The following MLC1 variants were observed in gnomAD, a reference collection of about 807,000 sequenced individuals.
MLC1 encodes the protein modulator of VRAC current 1.
MLC1 carries 32 observed loss-of-function variants against 44.7 expected under a neutral mutation model. The observed-to-expected ratio is 0.72, with a 90% confidence interval of 0.54 to 0.96. The LOEUF is 0.96. Ranked by LOEUF, MLC1 falls within the 40% of genes least tolerant of loss-of-function variation. MLC1 has a pLI of 0.00. For missense variants in MLC1, 459 were observed against 492.2 expected (o/e 0.93, Z 0.64); for synonymous variants, 190 against 213.0 (o/e 0.89, Z 0.94).
At position 50,067,970 on chromosome 22, in the gene MLC1, AC is replaced by A. The variant is rs199751178; in HGVS notation, c.894+462del. Among the ~76,000 whole-genome samples, 10 of 119,578 alleles carry A rather than the reference AC, an allele frequency of 8.4e-5. 1 individual carries two copies. The highest frequency in any genetic ancestry group is 9.4e-5 in the Admixed American group (1 of 10,690). 78.4% of individuals were successfully genotyped at this position (119,578 alleles called of 152,430 possible). On this transcript the variant is annotated intron_variant, in intron 10 of 11. Transcript: ENST00000311597. Reference sequence around the variant, plus strand: ...ATACTGGAAAAAAAAAAACAAAAAAACAAAAAAACACTAGGTATCTAAGAAA... The same window carrying A: ...ATACTGGAAAAAAAAAAACAAAAAAAAAAAAAACACTAGGTATCTAAGAAA...
chr22:50,077,991 A>ATTTTTT (rs3041368), intron 5 of MLC1, among the ~76,000 whole-genome samples: 3 of 144,014 alleles, frequency 2.1e-5, no homozygotes. Context: ...CTGTCTGACA[A>ATTTTTT]TTTTTTTTTT....
At chr22:50,080,533 G>A (rs2062096537) in intron 3 of MLC1, 136 bp from the exon 4 acceptor site, 16 of 971,870 alleles carry the variant, frequency 1.6e-5, no homozygotes, top group South Asian at 4.1e-5. Context: ...GCAACACAGT[G>A]GGTTGGCTTG....
rs1602024278 is a variant in MLC1 at position 50,074,521 on chromosome 22, G to A, written c.598-189C>T. ...CCAGACCCCCTCTGCCCTCAGCTGCGGCTTTTCACGTCCCTCCTGGAGTAA... is the reference window on the plus strand; with the variant it reads ...CCAGACCCCCTCTGCCCTCAGCTGCAGCTTTTCACGTCCCTCCTGGAGTAA... On this transcript the variant is annotated intron_variant, in intron 7 of 11. Coordinates refer to ENST00000311597, the MANE Select transcript of MLC1 (RefSeq NM_015166.4). The A allele has an allele frequency of 2.9e-5, 18 of 627,794 alleles. No individual in the cohort carries two copies. In the East Asian group the frequency reaches 3.6e-4, roughly 13 times the overall value. 38.9% of individuals were successfully genotyped at this position (627,794 alleles called of 1,614,324 possible).
Position 50,077,456 on chromosome 22 carries a change from G to T in MLC1, c.470C>A (p.Ala157Glu), listed in dbSNP as rs1219458189. The change falls in exon 6 of 12, where the codon GCG becomes GAG. Residue 157 changes from alanine (A) to glutamate (E), a missense_variant. Physicochemically the swap from Ala to Glu is moderately radical, Grantham distance 107. Coordinates refer to ENST00000311597, the MANE Select transcript of MLC1 (RefSeq NM_015166.4). ...ILLLLLELLMAATVIIAARSS... is the reference protein window; with the variant it reads ...ILLLLLELLMEATVIIAARSS... ...CCGTGCAGCGATGATCACCGTGGCC[G>T]CCATGAGCAGCTCCAGCAGGAGCAG... 3.1e-6 allele frequency: 5 copies of T among 1,613,898 alleles called. No individual in the cohort carries two copies. The highest frequency in any genetic ancestry group is 1.3e-5 in the African/African-American group (1 of 75,054).
In MLC1 at chr22:50,072,003, G is replaced by A. The variant is rs550898532; in HGVS notation, c.715-1420C>T. On this transcript the variant is annotated intron_variant, in intron 8 of 11. Coordinates refer to ENST00000311597, the MANE Select transcript of MLC1 (RefSeq NM_015166.4). Reference sequence around the variant, plus strand: ...GGGGCTGCCAGTGCAAAGGCCCCAAGCCAGCTGCTGAGGTGGGTGTGGCCC... The same window carrying A: ...GGGGCTGCCAGTGCAAAGGCCCCAAACCAGCTGCTGAGGTGGGTGTGGCCC... Among the ~76,000 whole-genome samples the A allele has an allele frequency of 5.8e-4, 89 of 152,326 alleles. 2 individuals are homozygous for A. The South Asian group carries it at 0.018, about 32-fold the overall frequency.
chr22:50,079,500 C>CTTTTTTT (rs55760839), intron 5 of MLC1, among the ~76,000 whole-genome samples: 32 of 75,808 alleles, frequency 4.2e-4, no homozygotes, highest in Admixed American at 6.1e-4. Flanking sequence ...GGATTTTTGT[C>CTTTTTTT]TTTTTTTTTT....
At position 50,083,002 on chromosome 22, in the gene MLC1, A is replaced by G; in HGVS notation, c.267+82T>C. 1 of 1,380,002 alleles carries G rather than the reference A, an allele frequency of 7.2e-7. No homozygotes were observed. Among genetic ancestry groups the G allele is most frequent in the Non-Finnish European group, 1.0e-6 (1 of 970,362 alleles). 85.5% of individuals were successfully genotyped at this position (1,380,002 alleles called of 1,614,324 possible). A position where few individuals can be genotyped will look rare whatever the true frequency, so the allele number is the denominator to read the frequency against. ...TTTGAATGAGGTACAGGTGACAGAA[A>G]CCTGCACATCTCAGAACAAAGAAAC... is the stretch of plus-strand genomic sequence containing the variant. On this transcript the variant is annotated intron_variant, in intron 3 of 11. Transcript: ENST00000311597. This position sits in a 1 kb window ranked among gnomAD's most constrained non-coding sequence, Gnocchi z 4.6.
rs2062186534 is a variant in MLC1, at chr22:50,083,088, C to G, written c.263G>C (p.Gly88Ala). Residue 88 changes from glycine (G) to alanine (A), a missense_variant, in exon 3 of 12, where the codon GGC becomes GCC. Coordinates refer to ENST00000311597, the MANE Select transcript of MLC1 (RefSeq NM_015166.4). The surrounding 1 kb of genome is among the most constrained non-coding windows in gnomAD (Gnocchi z 4.6). ...AEMDYLRCAA[G>A]SCIPSAIVSF... The stretch of plus-strand genomic sequence containing the variant: ...GGCGTGGAGGAAGCTGCTTACAGAG[C>G]CTGCAGCACAGCGCAAGTAATCCAT... 1.2e-6 allele frequency: 2 copies of G among 1,613,926 alleles called. No individual in the cohort carries two copies. The highest frequency in any genetic ancestry group is 1.7e-6 in the Non-Finnish European group (2 of 1,179,970).
Position 50,068,529 on chromosome 22 carries a change from G to C in MLC1, c.798C>G (p.Ser266Arg), listed in dbSNP as rs777790290. ...CTGTGAACAGCAGCGGAGACGTGAG[G>C]CTGCTTATGGCAATCAGGACCTCCA... is the stretch of plus-strand genomic sequence containing the variant. Reference protein sequence around the residue: ...CLVEVLIAISSLTSPLLFTAS... With the variant: ...CLVEVLIAISRLTSPLLFTAS... Residue 266 changes from serine to arginine, a missense_variant, in exon 10 of 12, where the codon AGC becomes AGG. Physicochemically the swap from Ser to Arg is moderately radical, Grantham distance 110. Coordinates refer to ENST00000311597, the MANE Select transcript of MLC1 (RefSeq NM_015166.4). 1.2e-6 allele frequency: 2 copies of C among 1,613,606 alleles called. No individual in the cohort carries two copies. The highest frequency in any genetic ancestry group is 1.1e-5 in the South Asian group (1 of 91,084).
chr22:50,068,562 A>T lies in MLC1; in HGVS notation c.772-7T>A. The T allele has an allele frequency of 6.2e-7, 1 of 1,613,158 alleles. No homozygotes were observed. The highest frequency in any genetic ancestry group is 1.3e-5 in the African/African-American group (1 of 75,006). ...TGGCAATCAGGACCTCCACCTGGAA[A>T]AAAAGCGCGGGTTGCAGGACCACGG... is the stretch of plus-strand genomic sequence containing the variant. On this transcript the variant is annotated splice_region_variant and splice_polypyrimidine_tract_variant and intron_variant, in intron 9 of 11. Transcript: ENST00000311597.
chr22:50,077,048 G>T, intron 6 of MLC1, 136 bp from the exon 7 acceptor site: 1 of 852,668 alleles, frequency 1.2e-6, no homozygotes, highest in Non-Finnish European at 2.0e-6. Flanking sequence ...GGCGCCCGTG[G>T]ATCTTTGGGC....
chr22:50,065,947 G>T (rs1183773097), intron 10 of MLC1, among the ~76,000 whole-genome samples: 1 of 152,230 alleles, frequency 6.6e-6, no homozygotes, highest in East Asian at 1.9e-4. Flanking sequence ...GGACTGGCTG[G>T]GTTGACCGGG....
intron 1 of MLC1, 134 bp from the exon 2 acceptor site, chr22:50,085,095 G>A (rs2062248986): frequency 6.9e-7 from 1 of 1,440,042 alleles, no homozygotes; most frequent in African/African-American, 1.4e-5. Flanking sequence ...ATGAGCACTT[G>A]AATCTAAAAG....
chr22:50,066,113 G>T (rs542772364), intron 10 of MLC1, among the ~76,000 whole-genome samples: 20 of 152,204 alleles, frequency 1.3e-4, no homozygotes, highest in African/African-American at 4.6e-4. Flanking sequence ...CAAGGTGGGC[G>T]GATCGCTTGA....
In MLC1 at chr22:50,064,086, T is replaced by A; in HGVS notation, c.1007A>T (p.Gln336Leu). 1 of 1,608,558 alleles carries A rather than the reference T, an allele frequency of 6.2e-7. No homozygotes were observed. Among genetic ancestry groups the A allele is most frequent in the East Asian group, 2.2e-5 (1 of 44,742 alleles). The change falls in exon 11 of 12, where the codon CAG becomes CTG. Residue 336 changes from glutamine (Q) to leucine (L), a missense_variant. Coordinates refer to ENST00000311597, the MANE Select transcript of MLC1 (RefSeq NM_015166.4). ...GTTCTGGGTGTCCCAGGATGCACCCTGCAGCCTTGCACTGACCTTGAAGCG... is the reference window on the plus strand; with the variant it reads ...GTTCTGGGTGTCCCAGGATGCACCCAGCAGCCTTGCACTGACCTTGAAGCG... Reference protein sequence around the residue: ...CVRFKVSARLQGASWDTQNGP... With the variant: ...CVRFKVSARLLGASWDTQNGP...
At chr22:50,062,268 C>T (rs1262737255) in intron 11 of MLC1, among the ~76,000 whole-genome samples, 3 of 127,130 alleles carry the variant, frequency 2.4e-5, no homozygotes, top group Admixed American at 8.0e-5. Flanking sequence ...GCCCAAGCCA[C>T]CCACCTTGAG....
At chr22:50,074,669 G>T in intron 7 of MLC1, 1 of 364,914 alleles carries the variant, frequency 2.7e-6, no homozygotes, top group Non-Finnish European at 5.3e-6. Flanking sequence ...TCACAGTGTG[G>T]CAGGCGGCGG....
chr22:50,084,433 G>C (rs551058613), intron 2 of MLC1, among the ~76,000 whole-genome samples: 126 of 152,328 alleles, frequency 8.3e-4, no homozygotes, highest in East Asian at 1.9e-4. Context: ...AGAGCCGAGG[G>C]TCATGGAGAC....
chr22:50,059,499 A>G lies in MLC1; in HGVS notation c.*2084T>C, dbSNP rs2061521725. The G allele has an allele frequency of 6.6e-6, 1 of 152,392 alleles. No homozygotes were observed. The highest frequency in any genetic ancestry group is 1.5e-5 in the Non-Finnish European group (1 of 68,054). 9.4% of individuals were successfully genotyped at this position (152,392 alleles called of 1,614,324 possible). ...TTCCGGATTTTTTAAGCGCTCTAAA[A>G]TAAGAAAATAAGAAAGTGCAAGCCA... On this transcript the variant is annotated 3_prime_UTR_variant, in exon 12 of 12. Coordinates refer to ENST00000311597, the MANE Select transcript of MLC1 (RefSeq NM_015166.4).
Sources: allele counts gnomAD v4.1 joint callset (sites outside exome capture counted in the v4.1 genomes callset), GRCh38; gene constraint gnomAD v4.1.1; non-coding constraint Gnocchi (gnomAD v3.1); transcripts MANE v1.5; gene names NCBI Gene and HGNC (gene_info 2026-07-23, HGNC 2026-07-21).